Variants in IFI27L1 observed in about 807,000 individuals in gnomAD.
The protein encoded by IFI27L1 is interferon alpha inducible protein 27 like 1.
In IFI27L1, 3 loss-of-function variants were observed where a neutral mutation model predicts 9.2. The observed-to-expected ratio is 0.32, with a 90% confidence interval of 0.15 to 0.84. The LOEUF (loss-of-function observed/expected upper bound fraction) is 0.84. Among genes scored for constraint, IFI27L1 ranks in the 40% least tolerant of loss-of-function variants. The pLI is 0.56. For synonymous variants in IFI27L1, 53 were observed against 50.0 expected (o/e 1.06, Z -0.26); for missense variants, 133 against 134.2 (o/e 0.99, Z 0.05).
intron 1 of IFI27L1, among the ~76,000 whole-genome samples, chr14:94,092,891 C>T (rs988508635): frequency 2.6e-5 from 4 of 152,112 alleles, no homozygotes; most frequent in East Asian, 1.9e-4. Flanking sequence ...CTTTATGCTT[C>T]GCTTTTCATT....
chr14:94,085,955 A>G lies in IFI27L1; in HGVS notation c.-52+4506A>G, dbSNP rs115737485. Among the ~76,000 whole-genome samples the G allele has an allele frequency of 6.1e-3, 924 of 152,312 alleles. 7 individuals are homozygous for G. Among genetic ancestry groups the G allele is most frequent in the African/African-American group, 0.021 (869 of 41,560 alleles). On this transcript the variant is annotated intron_variant, in intron 1 of 4. Coordinates refer to ENST00000555523, the MANE Select transcript of IFI27L1 (RefSeq NM_206949.3). ...GGCATTGTAATTCATCTAGCACCAAAAAACATACGTATGTATAAGCATTCT... is the reference window on the plus strand; with the variant it reads ...GGCATTGTAATTCATCTAGCACCAAGAAACATACGTATGTATAAGCATTCT...
chr14:94,082,193 C>G (rs1004779405), intron 1 of IFI27L1, among the ~76,000 whole-genome samples: 2 of 152,112 alleles, frequency 1.3e-5, no homozygotes, highest in African/African-American at 4.8e-5. Flanking sequence ...AAAATAAAAC[C>G]GGCTACAGCA....
intron 3 of IFI27L1, chr14:94,101,125 G>A: frequency 2.1e-6 from 1 of 466,120 alleles, no homozygotes; most frequent in Non-Finnish European, 3.9e-6. Flanking sequence ...GCTGAGCTGT[G>A]TCTCATTCCT....
At chr14:94,084,643 G>T (rs182048322) in intron 1 of IFI27L1, among the ~76,000 whole-genome samples, 3 of 152,330 alleles carry the variant, frequency 2.0e-5, no homozygotes, top group Admixed American at 2.0e-4. Flanking sequence ...GCATATTACA[G>T]AAGCGAGAAA....
At chr14:94,093,686 G>A (rs1567069553) in intron 1 of IFI27L1, among the ~76,000 whole-genome samples, 1 of 152,182 alleles carries the variant, frequency 6.6e-6, no homozygotes, top group Non-Finnish European at 1.5e-5. Context: ...GTGGCCTTGA[G>A]GCAAGTTAAT....
At chr14:94,087,370 G>A (rs905686820) in intron 1 of IFI27L1, among the ~76,000 whole-genome samples, 2 of 152,116 alleles carry the variant, frequency 1.3e-5, no homozygotes, top group Non-Finnish European at 2.9e-5. Flanking sequence ...CTCTCTTCAT[G>A]GATTTTCCCT....
At chr14:94,101,048 C>G (rs1273325395) in intron 3 of IFI27L1, 7 of 587,274 alleles carry the variant, frequency 1.2e-5, no homozygotes, top group Non-Finnish European at 2.1e-5. Context: ...CAGTCACAGC[C>G]CGGGATTCCT....
chr14:94,088,298 C>G, intron 1 of IFI27L1: 1 of 702,312 alleles, frequency 1.4e-6, no homozygotes. Context: ...ATGCGAGATG[C>G]AGAAGGTAAG....
chr14:94,099,012 G>C (rs1886786598), intron 2 of IFI27L1, among the ~76,000 whole-genome samples: 1 of 152,192 alleles, frequency 6.6e-6, no homozygotes, highest in South Asian at 2.1e-4. Flanking sequence ...TTTGCTCTAA[G>C]GAGCAAAGCA....
chr14:94,100,142 G>A, intron 2 of IFI27L1: 1 of 299,694 alleles, frequency 3.3e-6, no homozygotes, highest in East Asian at 1.7e-4. Flanking sequence ...AATGTCATCT[G>A]AGTAGGGATT....
At chr14:94,086,264 G>A (rs1339812766) in intron 1 of IFI27L1, among the ~76,000 whole-genome samples, 3 of 152,120 alleles carry the variant, frequency 2.0e-5, no homozygotes. Context: ...ATGATCGTAA[G>A]CTTCCTGAGG....
At chr14:94,089,257 G>A (rs182601826) in intron 1 of IFI27L1, 1 of 152,286 alleles carries the variant, frequency 6.6e-6, no homozygotes, top group Admixed American at 6.5e-5. Flanking sequence ...CAGAATAGCA[G>A]CTTGAGCTGC....
chr14:94,101,649 A>C (rs574235284), intron 3 of IFI27L1, among the ~76,000 whole-genome samples, 165 bp from the exon 4 acceptor site: 1 of 152,354 alleles, frequency 6.6e-6, no homozygotes, highest in South Asian at 2.1e-4. Context: ...GAGCCGGTCC[A>C]CTGGCTGCTT....
In IFI27L1 at chr14:94,081,356, A is replaced by G. The variant is rs909249734; in HGVS notation, c.-145A>G. 2 of 152,192 alleles carry G rather than the reference A, an allele frequency of 1.3e-5. No homozygotes were observed. The highest frequency in any genetic ancestry group is 1.9e-4 in the East Asian group (1 of 5,194). The allele number at this position is 152,192 out of a possible 1,614,324, so 9.4% of individuals were successfully genotyped here. ...TTGGGGCGCTGGCACCTCCTCTTAC[A>G]GCTTTACTCCTGCCAGCTTGGGAAA... On this transcript the variant is annotated 5_prime_UTR_variant, in exon 1 of 5. Transcript: ENST00000555523.
intron 4 of IFI27L1, 86 bp from the exon 5 acceptor site, chr14:94,102,391 A>G: frequency 1.3e-6 from 1 of 784,998 alleles, no homozygotes. Flanking sequence ...AGGTCTCTGG[A>G]GGGACCAGGG....
Position 94,102,555 on chromosome 14 carries a change from C to T in IFI27L1, c.302C>T (p.Pro101Leu). Residue 101 changes from proline (P) to leucine (L), a missense_variant, in exon 5 of 5, where the codon CCC becomes CTC. Physicochemically the swap from Pro to Leu is moderately conservative, Grantham distance 98. Transcript: ENST00000555523. Reference protein sequence around the residue: ...GTALGAWLGSPPSS With the variant: ...GTALGAWLGSLPSS ...GCTCTTGGGGCCTGGCTGGGTTCACCCCCTTCCAGCTGAACACCACACTGA... is the reference window on the plus strand; with the variant it reads ...GCTCTTGGGGCCTGGCTGGGTTCACTCCCTTCCAGCTGAACACCACACTGA... The T allele has an allele frequency of 6.4e-7, 1 of 1,563,336 alleles. No homozygotes were observed. Among genetic ancestry groups the T allele is most frequent in the Non-Finnish European group, 8.7e-7 (1 of 1,154,358 alleles).
At chr14:94,095,667 C>G (rs1886641269) in intron 1 of IFI27L1, among the ~76,000 whole-genome samples, 1 of 152,190 alleles carries the variant, frequency 6.6e-6, no homozygotes, top group South Asian at 2.1e-4. Flanking sequence ...GAGGAGGTAC[C>G]AGCCTCCTTT....
At position 94,085,504 on chromosome 14, in the gene IFI27L1, A is replaced by G. The variant is rs1006961499; in HGVS notation, c.-52+4055A>G. Among the ~76,000 whole-genome samples the G allele has an allele frequency of 2.0e-5, 3 of 152,226 alleles. No homozygotes were observed. In the South Asian group the frequency reaches 6.2e-4, roughly 32 times the overall value. On this transcript the variant is annotated intron_variant, in intron 1 of 4. Transcript: ENST00000555523. Reference sequence around the variant, plus strand: ...ATAAGCATACACATACCTTTCATATAGTATAAATATGAAAAGGTGATAAGT... The same window carrying G: ...ATAAGCATACACATACCTTTCATATGGTATAAATATGAAAAGGTGATAAGT...
intron 2 of IFI27L1, chr14:94,100,307 G>A (rs1210585665): frequency 1.0e-6 from 1 of 985,274 alleles, no homozygotes; most frequent in African/African-American, 1.7e-5. Context: ...GCCTCTTCCT[G>A]GGGAGGTGGC....
Sources: allele counts gnomAD v4.1 joint callset (sites outside exome capture counted in the v4.1 genomes callset), GRCh38; gene constraint gnomAD v4.1.1; transcripts MANE v1.5; gene names NCBI Gene and HGNC (gene_info 2026-07-23, HGNC 2026-07-21).